MPZL1: variants seen among roughly 807,000 people sequenced by gnomAD.
The protein encoded by MPZL1 is myelin protein zero like 1.
In MPZL1, 16 loss-of-function variants were observed where a neutral mutation model predicts 29.3. That is an observed-to-expected ratio of 0.55 (90% CI 0.37 to 0.83). The LOEUF (loss-of-function observed/expected upper bound fraction) is 0.83, where lower values mean the gene tolerates loss of function less well. Among genes scored for constraint, MPZL1 ranks in the 40% least tolerant of loss-of-function variants. The pLI is 0.00. For missense variants in MPZL1, 279 were observed against 332.9 expected (o/e 0.84, Z 1.26); for synonymous variants, 143 against 132.0 (o/e 1.08, Z -0.57).
At chr1:167,759,311 T>G in intron 1 of MPZL1, among the ~76,000 whole-genome samples, 1 of 152,230 alleles carries the variant, frequency 6.6e-6, no homozygotes, top group East Asian at 1.9e-4. Flanking sequence ...AAACTCTCTT[T>G]TATGACTCTG....
intron 2 of MPZL1, among the ~76,000 whole-genome samples, chr1:167,769,477 G>A (rs1367430481): frequency 6.6e-6 from 1 of 152,168 alleles, no homozygotes; most frequent in Non-Finnish European, 1.5e-5. Context: ...ATCCATGTGA[G>A]CCCCTCCATG....
chr1:167,772,291 A>G lies in MPZL1; in HGVS notation c.275A>G (p.Gln92Arg). 4 of 1,613,702 alleles carry G rather than the reference A, an allele frequency of 2.5e-6. No individual in the cohort carries two copies. The highest frequency in any genetic ancestry group is 3.4e-6 in the Non-Finnish European group (4 of 1,179,644). Residue 92 changes from glutamine (Q) to arginine (R), a missense_variant, in exon 3 of 6, where the codon CAA (glutamine) becomes CGA (arginine). Physicochemically the swap from Gln to Arg is conservative, Grantham distance 43. Coordinates refer to ENST00000359523, the MANE Select transcript of MPZL1 (RefSeq NM_003953.6). ...TAATTGCAGTTTTTCCACTACTCCC[A>G]AGGGCAAGTGTACCTTGGGAATTAT... is the stretch of plus-strand genomic sequence containing the variant. ...DTTVSFFHYS[Q>R]GQVYLGNYPP...
chr1:167,788,203 T>C lies in MPZL1; in HGVS notation c.*282T>C, dbSNP rs185441444. 1.6e-3 allele frequency: 523 copies of C among 323,554 alleles called. 4 individuals are homozygous for C. Among genetic ancestry groups the C allele is most frequent in the Non-Finnish European group, 5.3e-4 (91 of 172,160 alleles). 20.0% of individuals were successfully genotyped at this position (323,554 alleles called of 1,614,324 possible). On this transcript the variant is annotated 3_prime_UTR_variant, in exon 6 of 6. Coordinates refer to ENST00000359523, the MANE Select transcript of MPZL1 (RefSeq NM_003953.6). Reference sequence around the variant, plus strand: ...TACTTTCTTTTCAGGTCATTTACAATTGGGAGATTTCAGAAACATTCCTTT... The same window carrying C: ...TACTTTCTTTTCAGGTCATTTACAACTGGGAGATTTCAGAAACATTCCTTT...
chr1:167,774,236 T>C (rs760452936), intron 4 of MPZL1, among the ~76,000 whole-genome samples: 3 of 152,236 alleles, frequency 2.0e-5, no homozygotes, highest in Non-Finnish European at 2.9e-5. Flanking sequence ...CCATATAAGC[T>C]ATGTAGAACT....
In MPZL1 at chr1:167,776,156, G is replaced by T. The variant is rs1478328701; in HGVS notation, c.698G>T (p.Gly233Val). Residue 233 changes from glycine to valine, a missense_variant, in exon 5 of 6, where the codon GGA becomes GTA. By Grantham distance (109) the Gly-to-Val change is moderately radical (BLOSUM62 -3). Transcript: ENST00000359523. The part of the protein sequence containing the change: ...TEGLVKSLPS[G>V]SHQGPVIYAQ... ...GGTCTTGTAAAGAGTCTGCCTTCTG[G>T]ATCTCACCAGGTAATGGCTGATTGC... 2 of 1,611,564 alleles carry T rather than the reference G, an allele frequency of 1.2e-6. No homozygotes were observed. Among genetic ancestry groups the T allele is most frequent in the South Asian group, 2.2e-5 (2 of 90,856 alleles).
intron 1 of MPZL1, among the ~76,000 whole-genome samples, chr1:167,746,611 G>T (rs1434156352): frequency 1.3e-5 from 2 of 152,184 alleles, no homozygotes; most frequent in African/African-American, 2.4e-5. Flanking sequence ...CTGCTCTGTT[G>T]TGAATGGAGT....
intron 1 of MPZL1, among the ~76,000 whole-genome samples, chr1:167,743,018 G>C (rs1185820820): frequency 1.3e-5 from 2 of 151,942 alleles, no homozygotes; most frequent in Admixed American, 6.6e-5. Context: ...ACAGTACCAG[G>C]CTGCTTTGAT....
intron 5 of MPZL1, among the ~76,000 whole-genome samples, chr1:167,779,576 C>T (rs942511167): frequency 6.6e-6 from 1 of 150,540 alleles, no homozygotes; most frequent in African/African-American, 2.5e-5. Flanking sequence ...CAGAGTGAGA[C>T]TCCATCTCAA....
At chr1:167,769,722 T>G (rs1160421100) in intron 2 of MPZL1, among the ~76,000 whole-genome samples, 3 of 152,226 alleles carry the variant, frequency 2.0e-5, no homozygotes, top group East Asian at 3.8e-4. Context: ...GGGTAAATAT[T>G]TGATAAATGT....
intron 1 of MPZL1, among the ~76,000 whole-genome samples, chr1:167,738,160 G>A (rs1004470195): frequency 2.6e-5 from 4 of 152,032 alleles, no homozygotes; most frequent in Non-Finnish European, 2.9e-5. Flanking sequence ...TCCTGACCTC[G>A]TGATCCGCCC....
At chr1:167,747,040 T>C (rs1026779313) in intron 1 of MPZL1, among the ~76,000 whole-genome samples, 5 of 152,016 alleles carry the variant, frequency 3.3e-5, no homozygotes, top group Admixed American at 1.3e-4. Context: ...AGAAGATCAG[T>C]CAGGAAACAT....
chr1:167,753,693 G>A (rs1416691842), intron 1 of MPZL1, among the ~76,000 whole-genome samples: 9 of 151,626 alleles, frequency 5.9e-5, no homozygotes, highest in East Asian at 1.9e-4. Flanking sequence ...GCAGCGGTGC[G>A]ATCTCGGCTC....
At chr1:167,760,190 G>A (rs1445927122) in intron 1 of MPZL1, among the ~76,000 whole-genome samples, 2 of 151,942 alleles carry the variant, frequency 1.3e-5, no homozygotes, top group African/African-American at 4.8e-5. Flanking sequence ...TTCTAGATAG[G>A]TTTCTTTTGT....
intron 1 of MPZL1, among the ~76,000 whole-genome samples, chr1:167,747,911 T>G (rs1405109191): frequency 2.6e-5 from 4 of 152,220 alleles, no homozygotes; most frequent in Non-Finnish European, 5.9e-5. Flanking sequence ...TAGGGCTTAG[T>G]CCCTCTTCCC....
intron 2 of MPZL1, among the ~76,000 whole-genome samples, chr1:167,771,060 G>T (rs1661235060): frequency 6.6e-6 from 1 of 150,968 alleles, no homozygotes; most frequent in Admixed American, 6.6e-5. Context: ...GGGGGATGTG[G>T]CAGGGTCATA....
intron 5 of MPZL1, among the ~76,000 whole-genome samples, chr1:167,780,146 C>T (rs963811816): frequency 2.1e-5 from 3 of 141,476 alleles, no homozygotes; most frequent in African/African-American, 7.5e-5. Context: ...TTTCAAAATA[C>T]TCAGTTAATC....
chr1:167,771,717 A>T (rs890874837), intron 2 of MPZL1, among the ~76,000 whole-genome samples: 1 of 151,990 alleles, frequency 6.6e-6, no homozygotes, highest in Non-Finnish European at 1.5e-5. Flanking sequence ...CACTTCCTAG[A>T]TGGGGTGGCA....
chr1:167,733,929 A>G (rs1333947778), intron 1 of MPZL1, among the ~76,000 whole-genome samples: 1 of 151,674 alleles, frequency 6.6e-6, no homozygotes, highest in African/African-American at 2.4e-5. Flanking sequence ...TGTCCTCTGG[A>G]CACTCACAGG....
At chr1:167,727,154 A>G (rs1477597935) in intron 1 of MPZL1, among the ~76,000 whole-genome samples, 2 of 152,228 alleles carry the variant, frequency 1.3e-5, no homozygotes, top group Non-Finnish European at 2.9e-5. Flanking sequence ...TGAGTTTTAA[A>G]AACATGATTT....
Sources: allele counts gnomAD v4.1 joint callset (sites outside exome capture counted in the v4.1 genomes callset), GRCh38; gene constraint gnomAD v4.1.1; transcripts MANE v1.5; gene names NCBI Gene and HGNC (gene_info 2026-07-23, HGNC 2026-07-21).